Variants in LTBP1 observed in about 807,000 individuals in gnomAD.
LTBP1 encodes the protein latent-transforming growth factor beta-binding protein 1.
A neutral mutation model predicts 207.6 loss-of-function variants in LTBP1; 129 were observed. The ratio of observed to expected loss-of-function variants is 0.62; its 90% CI spans 0.54 to 0.72. The LOEUF (loss-of-function observed/expected upper bound fraction) is 0.72, where lower values mean the gene tolerates loss of function less well. LTBP1 is among the 30% of genes least tolerant of loss of function. LTBP1 has a pLI of 0.00. For missense variants in LTBP1, 2,281 were observed against 2,217.2 expected (o/e 1.03, Z -0.58); for synonymous variants, 963 against 833.7 (o/e 1.16, Z -2.67).
At chr2:32,965,202 G>A (rs1679763015) in intron 2 of LTBP1, among the ~76,000 whole-genome samples, 1 of 152,134 alleles carries the variant, frequency 6.6e-6, no homozygotes, top group Non-Finnish European at 1.5e-5. Context: ...ACTTTTGAGA[G>A]AAGTTTTAGG....
At chr2:33,239,332 G>A (rs2092205080) in intron 9 of LTBP1, among the ~76,000 whole-genome samples, 1 of 152,134 alleles carries the variant, frequency 6.6e-6, no homozygotes, top group South Asian at 2.1e-4. Flanking sequence ...AAGCTCAGAT[G>A]GGGATAGGGA....
intron 3 of LTBP1, among the ~76,000 whole-genome samples, chr2:33,094,775 G>A (rs1411667826): frequency 6.6e-6 from 1 of 152,146 alleles, no homozygotes; most frequent in Admixed American, 6.6e-5. Flanking sequence ...GCTTTCATGA[G>A]TTGCACTGCA....
intron 1 of LTBP1, among the ~76,000 whole-genome samples, chr2:32,948,609 A>G (rs1328795223): frequency 1.3e-5 from 2 of 152,196 alleles, no homozygotes; most frequent in East Asian, 1.9e-4. Context: ...TAAGAAAACC[A>G]TTTGTTGGGC....
chr2:33,248,005 A>G (rs1305588195), intron 10 of LTBP1, among the ~76,000 whole-genome samples: 1 of 152,170 alleles, frequency 6.6e-6, no homozygotes, highest in African/African-American at 2.4e-5. Flanking sequence ...TTTTGGTTTC[A>G]AAGGATGACA....
At position 33,154,564 on chromosome 2, in the gene LTBP1, A is replaced by G. The variant is rs140983554; in HGVS notation, c.1201+19604A>G. Among the ~76,000 whole-genome samples the G allele has an allele frequency of 3.3e-3, 504 of 152,360 alleles. 2 individuals are homozygous for G. Among genetic ancestry groups the G allele is most frequent in the African/African-American group, 7.8e-3 (326 of 41,594 alleles). The stretch of plus-strand genomic sequence containing the variant: ...TAAAGGCTGCATATTCCATCCTGGC[A>G]TATAATATAACTTATTGAACTGGAC... On this transcript the variant is annotated intron_variant, in intron 5 of 33. Transcript: ENST00000404816.
At chr2:33,313,216 T>A (rs543375284) in intron 23 of LTBP1, among the ~76,000 whole-genome samples, 2 of 152,348 alleles carry the variant, frequency 1.3e-5, no homozygotes, top group Admixed American at 1.3e-4. Context: ...AATAGGAGAA[T>A]TGTTAAGAAA....
At chr2:33,127,101 T>C (rs762226378) in intron 4 of LTBP1, among the ~76,000 whole-genome samples, 1 of 152,194 alleles carries the variant, frequency 6.6e-6, no homozygotes, top group Non-Finnish European at 1.5e-5. Context: ...TTATTGCTTG[T>C]GTGAAAGAAT....
intron 23 of LTBP1, among the ~76,000 whole-genome samples, chr2:33,311,291 G>A (rs1294491971): frequency 6.6e-6 from 1 of 152,068 alleles, no homozygotes; most frequent in Non-Finnish European, 1.5e-5. Context: ...ACCCAAGACA[G>A]ATATTTTAAA....
intron 26 of LTBP1, among the ~76,000 whole-genome samples, chr2:33,353,910 A>T (rs1403425282): frequency 4.8e-5 from 7 of 145,674 alleles, no homozygotes; most frequent in African/African-American, 1.8e-4. Context: ...CCCAGGCTGG[A>T]GTGCAGTGGC....
intron 25 of LTBP1, among the ~76,000 whole-genome samples, chr2:33,344,160 A>G (rs1263980537): frequency 6.6e-6 from 1 of 152,258 alleles, no homozygotes; most frequent in Admixed American, 6.5e-5. Context: ...TCAACCAAAA[A>G]TTATTTACAA....
chr2:33,043,239 A>G (rs2076280060), intron 3 of LTBP1, among the ~76,000 whole-genome samples: 1 of 152,214 alleles, frequency 6.6e-6, no homozygotes, highest in African/African-American at 2.4e-5. Flanking sequence ...GATTGAGCCC[A>G]GAGCCTTTTC....
intron 2 of LTBP1, among the ~76,000 whole-genome samples, chr2:32,991,193 T>C (rs773083981): frequency 5.9e-5 from 9 of 152,244 alleles, no homozygotes; most frequent in Non-Finnish European, 1.3e-4. Context: ...TATGTTTCTC[T>C]TTTAATAAAT....
At chr2:33,179,493 G>A (rs2086407907) in intron 5 of LTBP1, among the ~76,000 whole-genome samples, 1 of 151,802 alleles carries the variant, frequency 6.6e-6, no homozygotes, top group Admixed American at 6.6e-5. Context: ...GATGGGGAGT[G>A]TTGGGTGCAT....
chr2:32,975,621 T>TTTTTTTTTG (rs1558461916), intron 2 of LTBP1, among the ~76,000 whole-genome samples: 2 of 87,070 alleles, frequency 2.3e-5, no homozygotes, highest in African/African-American at 8.2e-5. Flanking sequence ...TTTTTTTTTT[T>TTTTTTTTTG]GTCTGACTGG....
At chr2:33,087,499 G>T (rs2078833220) in intron 3 of LTBP1, among the ~76,000 whole-genome samples, 1 of 152,176 alleles carries the variant, frequency 6.6e-6, no homozygotes, top group East Asian at 1.9e-4. Context: ...TAAGATGAGA[G>T]AATTACTTTG....
At chr2:33,194,096 C>T (rs2088252752) in intron 7 of LTBP1, among the ~76,000 whole-genome samples, 1 of 152,166 alleles carries the variant, frequency 6.6e-6, no homozygotes, top group African/African-American at 2.4e-5. Flanking sequence ...ACGCCATTCT[C>T]CTGCCTCAGC....
chr2:33,142,291 G>A (rs1047952210), intron 5 of LTBP1, among the ~76,000 whole-genome samples: 4 of 152,048 alleles, frequency 2.6e-5, no homozygotes, highest in South Asian at 2.1e-4. Flanking sequence ...TCCTGATCTC[G>A]TGATCCGCCC....
intron 3 of LTBP1, among the ~76,000 whole-genome samples, chr2:33,101,933 C>T (rs2079763438): frequency 6.6e-6 from 1 of 152,152 alleles, no homozygotes; most frequent in Non-Finnish European, 1.5e-5. Flanking sequence ...ACAGTTACCT[C>T]ATCCTTTGCA....
chr2:33,390,845 T>C (rs1352539479), intron 32 of LTBP1, among the ~76,000 whole-genome samples: 2 of 152,092 alleles, frequency 1.3e-5, no homozygotes, highest in South Asian at 2.1e-4. Flanking sequence ...CTTAGGACTT[T>C]AGAGAAAAAT....
Sources: gnomAD v4.1 joint callset for allele counts (sites outside exome capture counted in the v4.1 genomes callset) on GRCh38, gnomAD v4.1.1 for gene constraint, MANE v1.5 for transcripts, NCBI Gene and HGNC (gene_info 2026-07-23, HGNC 2026-07-21) for gene names.